Variants in RYR3 observed in about 807,000 individuals in gnomAD.
The protein encoded by RYR3 is ryanodine receptor 3.
RYR3 carries 207 observed loss-of-function variants against 584.3 expected under a neutral mutation model. The ratio of observed to expected loss-of-function variants is 0.35; its 90% CI spans 0.32 to 0.40. The LOEUF (loss-of-function observed/expected upper bound fraction) is 0.40, where lower values mean the gene tolerates loss of function less well. Ranked by LOEUF, RYR3 falls within the 10% of genes least tolerant of loss-of-function variation. The pLI, the probability that RYR3 is intolerant of heterozygous loss-of-function variation, is 1.00. For synonymous variants in RYR3, 2,416 were observed against 2,248.5 expected (o/e 1.07, Z -2.11); for missense variants, 5,616 against 6,089.2 (o/e 0.92, Z 2.59).
At chr15:33,657,631 T>C in intron 32 of RYR3, among the ~76,000 whole-genome samples, 1 of 152,228 alleles carries the variant, frequency 6.6e-6, no homozygotes, top group East Asian at 1.9e-4. Context: ...AAAGCAAGTA[T>C]ATAATAGGTA....
chr15:33,553,984 C>A (rs373809599), intron 10 of RYR3, among the ~76,000 whole-genome samples: 1 of 152,186 alleles, frequency 6.6e-6, no homozygotes, highest in Non-Finnish European at 1.5e-5. Context: ...TTTTTTCTAA[C>A]CACCACCAAA....
At chr15:33,438,409 A>G (rs2141843089) in intron 1 of RYR3, among the ~76,000 whole-genome samples, 1 of 152,212 alleles carries the variant, frequency 6.6e-6, no homozygotes, top group South Asian at 2.1e-4. Context: ...GAGATTATGC[A>G]GTATTTGTCT....
At position 33,738,646 on chromosome 15, in the gene RYR3, A is replaced by C. The variant is rs138616269; in HGVS notation, c.7656+56A>C. 213 of 1,590,468 alleles carry C rather than the reference A, an allele frequency of 1.3e-4. 1 individual carries two copies. In the Admixed American group the frequency reaches 3.5e-3, roughly 26 times the overall value. ...AGCATCTCAGTGCTCCAGCATCTACAGATAATAACAGCCGTCATCTGTTTA... is the reference window on the plus strand; with the variant it reads ...AGCATCTCAGTGCTCCAGCATCTACCGATAATAACAGCCGTCATCTGTTTA... On this transcript the variant is annotated intron_variant, in intron 50 of 103. Coordinates refer to ENST00000634891, the MANE Select transcript of RYR3 (RefSeq NM_001036.6).
At chr15:33,403,703 C>T (rs1380613708) in intron 1 of RYR3, among the ~76,000 whole-genome samples, 2 of 152,134 alleles carry the variant, frequency 1.3e-5, no homozygotes, top group Non-Finnish European at 2.9e-5. Flanking sequence ...GTGAAATAGT[C>T]ATAATTTTGT....
rs1237071539 is a variant in RYR3, at chr15:33,598,647, T to A, written c.1789-2772T>A. On this transcript the variant is annotated intron_variant, in intron 16 of 103. Transcript: ENST00000634891. ...TAGAAGCAGGACAAAAAAAAAAAAC[T>A]CATCTTCCCTGTTGGAAGCAAGCTC... Among the ~76,000 whole-genome samples the A allele has an allele frequency of 8.1e-5, 12 of 149,030 alleles. No individual in the cohort carries two copies. In the East Asian group the frequency reaches 2.2e-3, roughly 27 times the overall value.
intron 3 of RYR3, among the ~76,000 whole-genome samples, chr15:33,515,019 C>T (rs1257371498): frequency 6.6e-6 from 1 of 151,968 alleles, no homozygotes; most frequent in Non-Finnish European, 1.5e-5. Flanking sequence ...AAAAAATCTC[C>T]AGTTATGTTA....
intron 4 of RYR3, among the ~76,000 whole-genome samples, chr15:33,531,646 TA>T (rs149747788): frequency 0.12 from 12,773 of 103,488 alleles, 643 homozygotes; most frequent in Middle Eastern, 0.18. Flanking sequence ...TATATATATA[TA>T]TTTTTTTTTC....
At chr15:33,488,362 T>G (rs1037821313) in intron 2 of RYR3, among the ~76,000 whole-genome samples, 6 of 152,044 alleles carry the variant, frequency 3.9e-5, no homozygotes, top group African/African-American at 1.4e-4. Context: ...TCTTTAGACC[T>G]AATAGCTGCT....
chr15:33,337,934 ATTTTTTTT>A lies in RYR3; in HGVS notation c.51+26859_51+26866del, dbSNP rs199625940. Among the ~76,000 whole-genome samples, 90 of 113,594 alleles carry A rather than the reference ATTTTTTTT, an allele frequency of 7.9e-4. 2 individuals are homozygous for A. In the Middle Eastern group the frequency reaches 0.017, roughly 22 times the overall value. 74.5% of individuals were successfully genotyped at this position (113,594 alleles called of 152,430 possible). ...AGACAAGTCTCAATCATTTTAGGAGATTTTTTTTTTTTTTTTTTTTTTTTTTTTGAGAC... is the reference window on the plus strand; with the variant it reads ...AGACAAGTCTCAATCATTTTAGGAGATTTTTTTTTTTTTTTTTTTTGAGAC... On this transcript the variant is annotated intron_variant, in intron 1 of 103. Transcript: ENST00000634891.
At chr15:33,461,659 A>T (rs2142077338) in intron 1 of RYR3, among the ~76,000 whole-genome samples, 1 of 152,348 alleles carries the variant, frequency 6.6e-6, no homozygotes, top group East Asian at 1.9e-4. Context: ...GAGTTGCAAC[A>T]TAAAGGGATA....
At position 33,837,948 on chromosome 15, in the gene RYR3, A is replaced by G; in HGVS notation, c.11968A>G (p.Ile3990Val). The G allele has an allele frequency of 6.2e-7, 1 of 1,613,988 alleles. No individual in the cohort carries two copies. The highest frequency in any genetic ancestry group is 8.5e-7 in the Non-Finnish European group (1 of 1,179,878). ...VDRFHEPAKDIGFNVAVLLTN... is the reference protein window; with the variant it reads ...VDRFHEPAKDVGFNVAVLLTN... ...CCGGTTCCATGAGCCAGCCAAGGAC[A>G]TAGGGTTTAATGTGGCTGTGTTATT... is the stretch of plus-strand genomic sequence containing the variant. Residue 3990 changes from isoleucine (I) to valine (V), a missense_variant, in exon 89 of 104, where the codon ATA becomes GTA. This residue lies in a region of RYR3 where 258 missense variants were observed against 297.3 expected (regional missense o/e 0.87). Coordinates refer to ENST00000634891, the MANE Select transcript of RYR3 (RefSeq NM_001036.6).
chr15:33,745,762 C>G (rs1386044315), intron 52 of RYR3, among the ~76,000 whole-genome samples: 3 of 152,156 alleles, frequency 2.0e-5, no homozygotes, highest in Non-Finnish European at 4.4e-5. Context: ...GGGGAGTACT[C>G]TAACCTGAGA....
At chr15:33,340,751 A>G (rs1042424779) in intron 1 of RYR3, among the ~76,000 whole-genome samples, 1 of 152,176 alleles carries the variant, frequency 6.6e-6, no homozygotes, top group East Asian at 1.9e-4. Flanking sequence ...TAAAGGCCCT[A>G]TCTCCAAATA....
At chr15:33,619,372 G>T (rs534871516) in intron 19 of RYR3, among the ~76,000 whole-genome samples, 2 of 152,084 alleles carry the variant, frequency 1.3e-5, no homozygotes, top group African/African-American at 4.8e-5. Flanking sequence ...TGATTCCATG[G>T]AACTCAAGGA....
chr15:33,311,546 C>T lies in RYR3; in HGVS notation c.51+450C>T, dbSNP rs763261133. Among the ~76,000 whole-genome samples, 7 of 152,184 alleles carry T rather than the reference C, an allele frequency of 4.6e-5. No individual in the cohort carries two copies. Among genetic ancestry groups the T allele is most frequent in the African/African-American group, 9.6e-5 (4 of 41,464 alleles). On this transcript the variant is annotated intron_variant, in intron 1 of 103. Coordinates refer to ENST00000634891, the MANE Select transcript of RYR3 (RefSeq NM_001036.6). The surrounding 1 kb of genome is among the most constrained non-coding windows in gnomAD (Gnocchi z 4.4). ...GCGCCCCCACGCACAGGGGAACCTC[C>T]GGGAAGGAGCCAGCGGGGCAGGGGG...
Position 33,821,378 on chromosome 15 carries a change from C to A in RYR3, c.10915+9C>A. 1 of 1,597,568 alleles carries A rather than the reference C, an allele frequency of 6.3e-7. No homozygotes were observed. Among genetic ancestry groups the A allele is most frequent in the Non-Finnish European group, 8.5e-7 (1 of 1,171,674 alleles). On this transcript the variant is annotated intron_variant, in intron 79 of 103. Transcript: ENST00000634891. ...GATAAGCGCTAGCAAAGGTGATTTC[C>A]CTAGTTTCTGGATGGGCTTATGTAA...
intron 18 of RYR3, among the ~76,000 whole-genome samples, chr15:33,606,806 A>G (rs187914608): frequency 6.6e-6 from 1 of 152,306 alleles, no homozygotes; most frequent in East Asian, 1.9e-4. Context: ...AGGAGGAATC[A>G]TATCTCCCCT....
rs199997833 is a variant in RYR3, at chr15:33,520,603, GA to G, written c.280-9979del. Among the ~76,000 whole-genome samples the G allele has an allele frequency of 2.6e-3, 392 of 150,578 alleles. 2 individuals carry two copies. The highest frequency in any genetic ancestry group is 9.3e-3 in the African/African-American group (382 of 41,000). On this transcript the variant is annotated intron_variant, in intron 3 of 103. Coordinates refer to ENST00000634891, the MANE Select transcript of RYR3 (RefSeq NM_001036.6). Reference sequence around the variant, plus strand: ...AGGAGAAGGTGGTGGGAATAATTCGGAAAAAAAAAATTGCCTCACCTCTTTC... The same window carrying G: ...AGGAGAAGGTGGTGGGAATAATTCGGAAAAAAAAATTGCCTCACCTCTTTC...
intron 1 of RYR3, among the ~76,000 whole-genome samples, chr15:33,347,521 A>G (rs1972614316): frequency 6.7e-6 from 1 of 149,374 alleles, no homozygotes; most frequent in Admixed American, 6.7e-5. Context: ...ATCTCGGCTC[A>G]CTGCAAGCTC....
Sources: allele counts gnomAD v4.1 joint callset (sites outside exome capture counted in the v4.1 genomes callset), GRCh38; gene constraint gnomAD v4.1.1; regional missense constraint gnomAD v4.1.1; non-coding constraint Gnocchi (gnomAD v3.1); transcripts MANE v1.5; gene names NCBI Gene and HGNC (gene_info 2026-07-23, HGNC 2026-07-21).